Variants in MOSMO observed in about 807,000 individuals in gnomAD.
The protein encoded by MOSMO is modulator of smoothened protein.
Under a neutral mutation model 18.4 loss-of-function variants are expected in MOSMO, and 5 were observed. The ratio of observed to expected loss-of-function variants is 0.27; its 90% CI spans 0.14 to 0.57. The LOEUF (loss-of-function observed/expected upper bound fraction) is 0.57. MOSMO is among the 20% of genes least tolerant of loss of function. The probability of loss-of-function intolerance (pLI) is 0.92; values close to 1 mark genes in which losing one functional copy is unlikely to be tolerated. For missense variants in MOSMO, 138 were observed against 211.8 expected, an observed-to-expected ratio of 0.65 and a Z score of 2.16; for synonymous variants, 82 against 82.3, an observed-to-expected ratio of 1.00 and a Z score of 0.02.
chr16:22,045,657 C>T (rs946511686), intron 1 of MOSMO, among the ~76,000 whole-genome samples: 1 of 152,060 alleles, frequency 6.6e-6, no homozygotes, highest in Non-Finnish European at 1.5e-5. Context: ...TTGGGATGCT[C>T]AACTGTAAGT....
chr16:22,037,772 G>A (rs901311128), intron 1 of MOSMO, among the ~76,000 whole-genome samples: 1 of 152,174 alleles, frequency 6.6e-6, no homozygotes, highest in African/African-American at 2.4e-5. Flanking sequence ...GATGAATAGG[G>A]CAAGGCATGT....
chr16:22,016,665 C>T lies in MOSMO; in HGVS notation c.106+8258C>T, dbSNP rs997629355. 9.8e-5 allele frequency among the ~76,000 whole-genome samples: 15 copies of T among 152,288 alleles called. No homozygotes were observed. The South Asian group carries it at 2.5e-3, about 25-fold the overall frequency. ...TAGCATAGTGGAAATGGCACACGGG[C>T]TTTGGGGCAAACCAACATGTAGCCA... is the stretch of plus-strand genomic sequence containing the variant. On this transcript the variant is annotated intron_variant, in intron 1 of 2. Transcript: ENST00000542527.
intron 1 of MOSMO, among the ~76,000 whole-genome samples, chr16:22,008,871 A>T (rs537350845): frequency 6.2e-4 from 95 of 152,138 alleles, no homozygotes; most frequent in Non-Finnish European, 1.2e-3. Flanking sequence ...TGCGGGAGCC[A>T]CTAGAGAGCT....
chr16:22,084,885 C>A (rs1901142868), downstream of MOSMO, among the ~76,000 whole-genome samples: 1 of 152,160 alleles, frequency 6.6e-6, no homozygotes, highest in Non-Finnish European at 1.5e-5. Context: ...ACCCAAGAGT[C>A]ACTCAGCAAT....
chr16:22,008,189 G>A lies in MOSMO; in HGVS notation c.-113G>A. On this transcript the variant is annotated 5_prime_UTR_variant, in exon 1 of 3. Coordinates refer to ENST00000542527, the MANE Select transcript of MOSMO (RefSeq NM_001164579.2). The stretch of plus-strand genomic sequence containing the variant: ...CGCGAGCGGCGCGCGGGGGCCGAGG[G>A]GGCGCGAGGCAGCGGCGCGGGGACT... 2 of 311,402 alleles carry A rather than the reference G, an allele frequency of 6.4e-6. No homozygotes were observed. The highest frequency in any genetic ancestry group is 1.0e-5 in the Non-Finnish European group (2 of 200,112). 19.3% of individuals were successfully genotyped at this position (311,402 alleles called of 1,614,324 possible).
At chr16:22,020,187 T>A (rs1190020087) in intron 1 of MOSMO, among the ~76,000 whole-genome samples, 1 of 145,322 alleles carries the variant, frequency 6.9e-6, no homozygotes, top group Non-Finnish European at 1.5e-5. Context: ...CACTCCAGCC[T>A]GGGCAACAAG....
At chr16:22,063,451 C>T (rs543885115) in intron 1 of MOSMO, among the ~76,000 whole-genome samples, 1 of 152,278 alleles carries the variant, frequency 6.6e-6, no homozygotes, top group South Asian at 2.1e-4. Context: ...TAGTAGTGCA[C>T]ATTTTCTGGT....
chr16:22,044,601 G>T (rs1900272558), intron 1 of MOSMO, among the ~76,000 whole-genome samples: 1 of 152,114 alleles, frequency 6.6e-6, no homozygotes, highest in Non-Finnish European at 1.5e-5. Context: ...GAAAAATCCT[G>T]ATATCTGAAA....
rs924069976 is a variant in MOSMO at position 22,008,152 on chromosome 16, G to A, written c.-150G>A. On this transcript the variant is annotated 5_prime_UTR_variant, in exon 1 of 3. Transcript: ENST00000542527. The stretch of plus-strand genomic sequence containing the variant: ...GCCGCGCCGCGGCTGCTGGTCCCGG[G>A]CGCGCGGAGGGCGCGAGCGGCGCGC... 9 of 160,112 alleles carry A rather than the reference G, an allele frequency of 5.6e-5. No individual in the cohort carries two copies. The highest frequency in any genetic ancestry group is 1.0e-4 in the Non-Finnish European group (8 of 77,666). The allele number at this position is 160,112 out of a possible 1,614,324, so 9.9% of individuals were successfully genotyped here. A position where few individuals can be genotyped will look rare whatever the true frequency, so the allele number is the denominator to read the frequency against.
intron 1 of MOSMO, among the ~76,000 whole-genome samples, chr16:22,043,130 G>A (rs546915980): frequency 1.3e-5 from 2 of 152,324 alleles, no homozygotes; most frequent in South Asian, 2.1e-4. Context: ...TTAAAGACAT[G>A]CAGCATTGGG....
chr16:22,011,734 G>C (rs1455774070), intron 1 of MOSMO, among the ~76,000 whole-genome samples: 1 of 152,070 alleles, frequency 6.6e-6, no homozygotes, highest in East Asian at 1.9e-4. Context: ...ATTATGGCTA[G>C]AAAGAGGAAT....
intron 1 of MOSMO, chr16:22,064,210 T>G: frequency 2.4e-6 from 1 of 424,866 alleles, no homozygotes; most frequent in South Asian, 1.7e-5. Context: ...CAGGCAGTCC[T>G]TTTCTGTGAG....
At chr16:22,039,812 A>G (rs1265561443) in intron 1 of MOSMO, among the ~76,000 whole-genome samples, 1 of 152,228 alleles carries the variant, frequency 6.6e-6, no homozygotes, top group Non-Finnish European at 1.5e-5. Flanking sequence ...AATCTAAGAT[A>G]GCAGCACTCC....
chr16:22,046,502 A>G (rs1044632956), intron 1 of MOSMO, among the ~76,000 whole-genome samples: 1 of 152,182 alleles, frequency 6.6e-6, no homozygotes, highest in East Asian at 1.9e-4. Context: ...ATAATCCTGT[A>G]CAAGAATATA....
At chr16:22,046,025 C>G (rs1445550316) in intron 1 of MOSMO, among the ~76,000 whole-genome samples, 1 of 125,520 alleles carries the variant, frequency 8.0e-6, no homozygotes, top group Non-Finnish European at 1.7e-5. Context: ...TATCTCTCCC[C>G]CCTCCCCCCA....
chr16:22,084,905 C>T (rs563591303), downstream of MOSMO, among the ~76,000 whole-genome samples: 1 of 152,312 alleles, frequency 6.6e-6, no homozygotes, highest in African/African-American at 2.4e-5. Flanking sequence ...TAAAAGACCA[C>T]ATACATGTGG....
intron 1 of MOSMO, among the ~76,000 whole-genome samples, chr16:22,071,320 G>C (rs1181802327): frequency 6.6e-6 from 1 of 152,156 alleles, no homozygotes; most frequent in Non-Finnish European, 1.5e-5. Flanking sequence ...CGCTATTTTT[G>C]CTCAAATCCA....
chr16:22,025,399 T>C (rs1480256013), intron 1 of MOSMO, among the ~76,000 whole-genome samples: 1 of 152,204 alleles, frequency 6.6e-6, no homozygotes, highest in Admixed American at 6.5e-5. Flanking sequence ...AAGTTGTAGA[T>C]ATAAATGTTA....
chr16:22,060,381 C>A (rs1900618120), intron 1 of MOSMO, among the ~76,000 whole-genome samples: 1 of 152,092 alleles, frequency 6.6e-6, no homozygotes, highest in Non-Finnish European at 1.5e-5. Context: ...AAGATTTTAA[C>A]AGGCCAGAGA....
Sources: gnomAD v4.1 joint callset for allele counts (sites outside exome capture counted in the v4.1 genomes callset) on GRCh38, gnomAD v4.1.1 for gene constraint, MANE v1.5 for transcripts, NCBI Gene and HGNC (gene_info 2026-07-23, HGNC 2026-07-21) for gene names.